NOL4: variants seen among roughly 807,000 people sequenced by gnomAD.
NOL4 encodes the protein nucleolar protein 4.
In NOL4, 17 loss-of-function variants were observed where a neutral mutation model predicts 75.9. That is an observed-to-expected ratio of 0.22 (90% CI 0.15 to 0.34). The LOEUF (loss-of-function observed/expected upper bound fraction) is 0.34, where lower values mean the gene tolerates loss of function less well. NOL4 is among the 10% of genes least tolerant of loss of function. The pLI is 1.00. For synonymous variants in NOL4, 292 were observed against 289.9 expected (o/e 1.01, Z -0.07); for missense variants, 614 against 793.5 (o/e 0.77, Z 2.72).
chr18:34,123,669 ATG>A (rs1367553322), intron 2 of NOL4, among the ~76,000 whole-genome samples: 1 of 148,294 alleles, frequency 6.7e-6, no homozygotes, highest in Non-Finnish European at 1.5e-5. Flanking sequence ...ATATATAGAT[ATG>A]TATCTATATA....
chr18:34,137,779 T>TATACACACACACACACACACAC (rs1354745785), intron 1 of NOL4, among the ~76,000 whole-genome samples: 4 of 147,042 alleles, frequency 2.7e-5, no homozygotes, highest in South Asian at 2.2e-4. Context: ...ATATACGAAA[T>TATACACACACACACACACACAC]ACACACACAC....
intron 9 of NOL4, among the ~76,000 whole-genome samples, chr18:33,942,127 A>C (rs768788401): frequency 9.2e-5 from 14 of 151,998 alleles, no homozygotes; most frequent in Middle Eastern, 3.2e-3. Context: ...AAATGAAAAA[A>C]CGTTTTTGCT....
In NOL4 at chr18:34,079,255, C is replaced by T. The variant is rs75635163; in HGVS notation, c.772+14210G>A. Among the ~76,000 whole-genome samples the T allele has an allele frequency of 5.3e-5, 8 of 152,134 alleles. No homozygotes were observed. The East Asian group carries it at 7.7e-4, about 15-fold the overall frequency. ...ATTATCCCCAACGAAGAGTAACTTTCGCATCATATGTCTATCATTGTTAAA... is the reference window on the plus strand; with the variant it reads ...ATTATCCCCAACGAAGAGTAACTTTTGCATCATATGTCTATCATTGTTAAA... On this transcript the variant is annotated intron_variant, in intron 5 of 10. Coordinates refer to ENST00000261592, the MANE Select transcript of NOL4 (RefSeq NM_003787.5).
chr18:34,212,519 T>C (rs1313223838), intron 1 of NOL4, among the ~76,000 whole-genome samples: 1 of 152,224 alleles, frequency 6.6e-6, no homozygotes, highest in East Asian at 1.9e-4. Flanking sequence ...TTACCACAAA[T>C]TGAATGGCTT....
At chr18:33,870,044 T>C (rs2063621074) in intron 10 of NOL4, among the ~76,000 whole-genome samples, 1 of 152,114 alleles carries the variant, frequency 6.6e-6, no homozygotes, top group Admixed American at 6.6e-5. Flanking sequence ...TTCAAATTTA[T>C]TTTTTAAATG....
At chr18:34,105,248 C>T in intron 2 of NOL4, 88 bp from the exon 3 acceptor site, 1 of 835,952 alleles carries the variant, frequency 1.2e-6, no homozygotes, top group Middle Eastern at 2.3e-4. Flanking sequence ...CCAAATAAGA[C>T]ACGTTATTCC....
chr18:33,984,522 C>T (rs754461531), intron 6 of NOL4, among the ~76,000 whole-genome samples: 1 of 152,034 alleles, frequency 6.6e-6, no homozygotes, highest in Non-Finnish European at 1.5e-5. Context: ...ACACCATTCC[C>T]CCTTGGTGCT....
At chr18:33,899,827 G>T (rs2065644344) in intron 9 of NOL4, among the ~76,000 whole-genome samples, 1 of 152,094 alleles carries the variant, frequency 6.6e-6, no homozygotes, top group Admixed American at 6.6e-5. Flanking sequence ...CAGTTCATTT[G>T]CATTTGTCTT....
chr18:34,187,750 A>G (rs961585170), intron 1 of NOL4, among the ~76,000 whole-genome samples: 3 of 152,166 alleles, frequency 2.0e-5, no homozygotes, highest in African/African-American at 7.2e-5. Context: ...TTAGCCAATC[A>G]CCTGCTGAAG....
At chr18:34,003,928 C>T (rs1406817318) in intron 6 of NOL4, among the ~76,000 whole-genome samples, 2 of 152,010 alleles carry the variant, frequency 1.3e-5, no homozygotes, top group African/African-American at 2.4e-5. Flanking sequence ...GCACAGCTGA[C>T]CAGCATTAAC....
intron 9 of NOL4, among the ~76,000 whole-genome samples, chr18:33,889,373 A>T (rs905513483): frequency 6.6e-6 from 1 of 152,148 alleles, no homozygotes; most frequent in African/African-American, 2.4e-5. Flanking sequence ...TTGAGGCAAT[A>T]ATTAATAGCC....
At chr18:34,109,475 T>G (rs915094894) in intron 2 of NOL4, among the ~76,000 whole-genome samples, 4 of 152,174 alleles carry the variant, frequency 2.6e-5, no homozygotes, top group Non-Finnish European at 5.9e-5. Flanking sequence ...GCTATGATCA[T>G]GCCACTGCAT....
chr18:34,058,369 C>A (rs924019168), intron 5 of NOL4, among the ~76,000 whole-genome samples: 1 of 152,138 alleles, frequency 6.6e-6, no homozygotes, highest in Non-Finnish European at 1.5e-5. Context: ...CTCCTGACCT[C>A]GTGATCTGCC....
intron 10 of NOL4, among the ~76,000 whole-genome samples, chr18:33,864,051 C>G (rs2063313222): frequency 1.3e-5 from 2 of 152,174 alleles, no homozygotes; most frequent in Admixed American, 1.3e-4. Context: ...ACAACTGGAG[C>G]TGGAGTGGCT....
At chr18:33,878,174 C>T (rs2064043461) in intron 10 of NOL4, among the ~76,000 whole-genome samples, 1 of 152,054 alleles carries the variant, frequency 6.6e-6, no homozygotes, top group African/African-American at 2.4e-5. Context: ...TTTGGGAGCC[C>T]TGTTCATTAA....
At chr18:33,887,564 TC>T (rs1164928884) in intron 9 of NOL4, among the ~76,000 whole-genome samples, 1 of 151,414 alleles carries the variant, frequency 6.6e-6, no homozygotes, top group African/African-American at 2.4e-5. Flanking sequence ...ATGCTATCCC[TC>T]CCCCAGCCCC....
At chr18:33,945,902 T>C (rs1168395191) in intron 8 of NOL4, among the ~76,000 whole-genome samples, 2 of 151,760 alleles carry the variant, frequency 1.3e-5, no homozygotes, top group African/African-American at 4.8e-5. Flanking sequence ...GATTAAGTAA[T>C]TGCAAAAGGA....
intron 10 of NOL4, among the ~76,000 whole-genome samples, chr18:33,879,706 A>C (rs2064145055): frequency 6.6e-6 from 1 of 151,920 alleles, no homozygotes; most frequent in African/African-American, 2.4e-5. Flanking sequence ...AGTTCCTATT[A>C]CTATTTATAC....
chr18:34,152,506 G>A (rs982286625), intron 1 of NOL4, among the ~76,000 whole-genome samples: 10 of 151,772 alleles, frequency 6.6e-5, no homozygotes, highest in Non-Finnish European at 1.5e-4. Context: ...TCCTACACAG[G>A]ATAATTTTGT....
Sources: allele counts gnomAD v4.1 joint callset (sites outside exome capture counted in the v4.1 genomes callset), GRCh38; gene constraint gnomAD v4.1.1; transcripts MANE v1.5; gene names NCBI Gene and HGNC (gene_info 2026-07-23, HGNC 2026-07-21).